The following KPNA3 variants were observed in gnomAD, a reference collection of about 807,000 sequenced individuals.
KPNA3 encodes the protein karyopherin subunit alpha 3, also known as importin subunit alpha-4.
In KPNA3, 13 loss-of-function variants were observed where a neutral mutation model predicts 73.8. The observed-to-expected ratio is 0.18, with a 90% CI of 0.11 to 0.28. The LOEUF (loss-of-function observed/expected upper bound fraction) is 0.28. Among genes scored for constraint, KPNA3 ranks in the 10% least tolerant of loss-of-function variants. The probability of loss-of-function intolerance (pLI) is 1.00; values close to 1 mark genes in which losing one functional copy is unlikely to be tolerated. For synonymous variants in KPNA3, 186 were observed against 206.9 expected, an observed-to-expected ratio of 0.90 and a Z score of 0.87; for missense variants, 360 against 618.1, an observed-to-expected ratio of 0.58 and a Z score of 4.43.
At chr13:49,750,542 G>T (rs1349334256) in intron 1 of KPNA3, among the ~76,000 whole-genome samples, 1 of 152,014 alleles carries the variant, frequency 6.6e-6, no homozygotes, top group Non-Finnish European at 1.5e-5. Flanking sequence ...CTGAGATGGA[G>T]GATTGCTTAA....
intron 1 of KPNA3, among the ~76,000 whole-genome samples, chr13:49,757,230 T>C (rs1410400481): frequency 1.3e-5 from 2 of 148,838 alleles, no homozygotes; most frequent in Non-Finnish European, 3.0e-5. Context: ...TGAACACCCA[T>C]GTAAAGAAGA....
intron 9 of KPNA3, among the ~76,000 whole-genome samples, chr13:49,721,314 C>T (rs982018625): frequency 6.6e-6 from 1 of 152,150 alleles, no homozygotes; most frequent in African/African-American, 2.4e-5. Context: ...GTAGCAACCC[C>T]CTTTTATAGC....
chr13:49,716,906 C>T (rs1045218986), intron 10 of KPNA3, among the ~76,000 whole-genome samples: 2 of 152,116 alleles, frequency 1.3e-5, no homozygotes, highest in African/African-American at 2.4e-5. Context: ...TAAATACTGA[C>T]GAATCCAAAA....
chr13:49,756,748 G>A (rs976306209), intron 1 of KPNA3, among the ~76,000 whole-genome samples: 5 of 152,144 alleles, frequency 3.3e-5, no homozygotes, highest in African/African-American at 9.7e-5. Context: ...AAGTAGAATA[G>A]TTAAAACAAT....
Position 49,701,196 on chromosome 13 carries a change from TAGTTTTTTTTTTTTTTTA to T in KPNA3, c.*586_*603del, listed in dbSNP as rs1260765308. The T allele has an allele frequency of 1.3e-5, 2 of 150,762 alleles. No individual in the cohort carries two copies. The highest frequency in any genetic ancestry group is 3.0e-5 in the Non-Finnish European group (2 of 67,368). 9.3% of individuals were successfully genotyped at this position (150,762 alleles called of 1,614,324 possible). A position where few individuals can be genotyped will look rare whatever the true frequency, so the allele number is the denominator to read the frequency against. On this transcript the variant is annotated 3_prime_UTR_variant, in exon 17 of 17. Coordinates refer to ENST00000261667, the MANE Select transcript of KPNA3 (RefSeq NM_002267.4). The stretch of plus-strand genomic sequence containing the variant: ...ACACATCAATTACTGGTAGATGAAG[TAGTTTTTTTTTTTTTTTA>T]AACTTATCTGTTTATTCAATAACCA...
At chr13:49,706,444 A>T in intron 12 of KPNA3, 72 bp from the exon 13 acceptor site, 1 of 1,004,524 alleles carries the variant, frequency 1.0e-6, no homozygotes, top group East Asian at 2.6e-5. Context: ...AATATATTTT[A>T]TATAGACAAT....
chr13:49,706,923 C>T (rs940466124), intron 12 of KPNA3, among the ~76,000 whole-genome samples: 1 of 151,876 alleles, frequency 6.6e-6, no homozygotes, highest in African/African-American at 2.4e-5. Flanking sequence ...TAATTTTCTT[C>T]TATTTTTAGT....
chr13:49,731,711 T>TTC (rs1954471388), intron 6 of KPNA3, among the ~76,000 whole-genome samples: 1 of 152,188 alleles, frequency 6.6e-6, no homozygotes, highest in South Asian at 2.1e-4. Context: ...CAAACTTATA[T>TTC]TCTCCCCAGT....
chr13:49,791,183 C>A (rs11617584), intron 1 of KPNA3, among the ~76,000 whole-genome samples: 9,479 of 152,214 alleles, frequency 0.062, 419 homozygotes, highest in East Asian at 0.15. Context: ...TGTTTCTCTA[C>A]AAAATAGAAC....
At chr13:49,701,997 G>A in intron 16 of KPNA3, 99 bp from the exon 17 acceptor site, 2 of 732,634 alleles carry the variant, frequency 2.7e-6, no homozygotes, top group Non-Finnish European at 4.7e-6. Flanking sequence ...AATTCTATGT[G>A]AATGCTTTAA....
chr13:49,719,993 C>A (rs369911959), intron 9 of KPNA3, among the ~76,000 whole-genome samples, 174 bp from the exon 10 acceptor site: 9 of 152,032 alleles, frequency 5.9e-5, no homozygotes, highest in African/African-American at 2.2e-4. Context: ...TCTAAAAAAA[C>A]CAAAAACATA....
chr13:49,721,825 A>G (rs9535309), intron 9 of KPNA3, 130 bp downstream of exon 9: 188,772 of 609,682 alleles, frequency 0.31, 30,288 homozygotes, highest in Admixed American at 0.34. Context: ...GTTATCAAAC[A>G]AACAAACAAA....
At position 49,786,834 on chromosome 13, in the gene KPNA3, G is replaced by C. The variant is rs149156309; in HGVS notation, c.69+5604C>G. ...AATGGGAAGGATCATAAACAGGAAA[G>C]TAACACAGAAAGATATGAGAAAGAT... On this transcript the variant is annotated intron_variant, in intron 1 of 16. Transcript: ENST00000261667. Among the ~76,000 whole-genome samples the C allele has an allele frequency of 1.2e-3, 189 of 152,284 alleles. 2 individuals are homozygous for C. The East Asian group carries it at 0.031, about 25-fold the overall frequency.
intron 1 of KPNA3, among the ~76,000 whole-genome samples, chr13:49,772,359 A>G (rs939609366): frequency 3.3e-5 from 5 of 152,254 alleles, no homozygotes; most frequent in Non-Finnish European, 7.3e-5. Flanking sequence ...TAAAACCATA[A>G]TAAGACATCT....
intron 11 of KPNA3, 65 bp downstream of exon 11, chr13:49,710,826 G>T: frequency 7.2e-7 from 1 of 1,396,640 alleles, no homozygotes; most frequent in Non-Finnish European, 9.9e-7. Context: ...AAGCCTAGCT[G>T]TACAAGTTAA....
intron 1 of KPNA3, among the ~76,000 whole-genome samples, chr13:49,781,600 A>G (rs1261671191): frequency 1.3e-5 from 2 of 152,228 alleles, no homozygotes; most frequent in Non-Finnish European, 2.9e-5. Context: ...GACATAACTG[A>G]AGCAAGCTAG....
At chr13:49,772,675 C>T (rs988395870) in intron 1 of KPNA3, among the ~76,000 whole-genome samples, 2 of 152,008 alleles carry the variant, frequency 1.3e-5, no homozygotes, top group Non-Finnish European at 2.9e-5. Flanking sequence ...TGGTGGCGCA[C>T]GTCTGTAATC....
At chr13:49,752,547 TATCA>T (rs1433981923) in intron 1 of KPNA3, among the ~76,000 whole-genome samples, 1 of 150,428 alleles carries the variant, frequency 6.6e-6, no homozygotes, top group African/African-American at 2.4e-5. Context: ...GAAATAACAT[TATCA>T]ATCAGAATTA....
rs193286849 is a variant in KPNA3 at position 49,748,314 on chromosome 13, G to A, written c.70-1321C>T. ...ATAGATGTTTTGTATCAAAAGGTAA[G>A]GTATCCTTCTGAGTTTAAGAGGATC... On this transcript the variant is annotated intron_variant, in intron 1 of 16. Transcript: ENST00000261667. 1.7e-4 allele frequency among the ~76,000 whole-genome samples: 26 copies of A among 151,178 alleles called. No individual in the cohort carries two copies. The East Asian group carries it at 2.7e-3, about 16-fold the overall frequency.
Sources: allele counts gnomAD v4.1 joint callset (sites outside exome capture counted in the v4.1 genomes callset), GRCh38; gene constraint gnomAD v4.1.1; transcripts MANE v1.5; gene names NCBI Gene and HGNC (gene_info 2026-07-23, HGNC 2026-07-21).